Variants in POFUT2 observed in about 807,000 individuals in gnomAD.
POFUT2 encodes protein O-fucosyltransferase 2, also known as GDP-fucose protein O-fucosyltransferase 2.
In POFUT2, 30 loss-of-function variants were observed where a neutral mutation model predicts 55.0. The ratio of observed to expected loss-of-function variants is 0.55; its 90% CI spans 0.41 to 0.74. POFUT2 has a LOEUF of 0.74. Ranked by LOEUF, POFUT2 falls within the 30% of genes least tolerant of loss-of-function variation. POFUT2 has a pLI of 0.00. For synonymous variants in POFUT2, 267 were observed against 231.1 expected (o/e 1.16, Z -1.41); for missense variants, 524 against 562.6 (o/e 0.93, Z 0.69).
At chr21:45,286,037 T>C (rs539830228) in intron 1 of POFUT2, 109 bp from the exon 2 acceptor site, 25 of 952,012 alleles carry the variant, frequency 2.6e-5, no homozygotes, top group Non-Finnish European at 3.6e-5. Context: ...CACTTAACAA[T>C]GGTTCCTAGT....
Position 45,282,967 on chromosome 21 carries a change from A to G in POFUT2, c.527+416T>C, listed in dbSNP as rs2030876164. On this transcript the variant is annotated intron_variant, in intron 3 of 8. Coordinates refer to ENST00000349485, the MANE Select transcript of POFUT2 (RefSeq NM_133635.6). The surrounding 1 kb of genome is among the most constrained non-coding windows in gnomAD (Gnocchi z 4.6). ...TGGCAACATCCAAATGCATGAAAAG[A>G]CACAGGGAAAGAGGCACGGGGTCTC... The G allele has an allele frequency of 4.2e-6, 2 of 470,962 alleles. No homozygotes were observed. Among genetic ancestry groups the G allele is most frequent in the Admixed American group, 4.7e-5 (2 of 42,552 alleles). The allele number at this position is 470,962 out of a possible 1,614,324, so 29.2% of individuals were successfully genotyped here. A position where few individuals can be genotyped will look rare whatever the true frequency, so the allele number is the denominator to read the frequency against.
In POFUT2 at chr21:45,279,021, C is replaced by A. The variant is rs540971335; in HGVS notation, c.639-852G>T. ...TAAAAACGAAACACACAAAATGGAC[C>A]GTGAGCAAATAGACCTGAATATTGG... On this transcript the variant is annotated intron_variant, in intron 4 of 8. Transcript: ENST00000349485. Among the ~76,000 whole-genome samples, 11 of 152,204 alleles carry A rather than the reference C, an allele frequency of 7.2e-5. No homozygotes were observed. In the East Asian group the frequency reaches 2.1e-3, roughly 29 times the overall value.
intron 4 of POFUT2, 60 bp from the exon 5 acceptor site, chr21:45,278,229 C>T (rs1355403504): frequency 6.4e-6 from 9 of 1,408,014 alleles, no homozygotes; most frequent in East Asian, 2.3e-5. Context: ...GACATTCACA[C>T]TCTCAGAGCA....
chr21:45,281,299 T>C lies in POFUT2; in HGVS notation c.638+1050A>G, dbSNP rs994017390. On this transcript the variant is annotated intron_variant, in intron 4 of 8. Coordinates refer to ENST00000349485, the MANE Select transcript of POFUT2 (RefSeq NM_133635.6). The surrounding 1 kb of genome is among the most constrained non-coding windows in gnomAD (Gnocchi z 5.0). ...AAGACTGTTCCACAGGCCCCAAACG[T>C]AGGCAGACTGGCTTCCAAAACCCGA... 7.2e-5 allele frequency among the ~76,000 whole-genome samples: 11 copies of C among 152,140 alleles called. No homozygotes were observed. Among genetic ancestry groups the C allele is most frequent in the African/African-American group, 2.2e-4 (9 of 41,420 alleles).
At position 45,265,365 on chromosome 21, in the gene POFUT2, C is replaced by T. The variant is rs756925203; in HGVS notation, c.*117G>A. The T allele has an allele frequency of 3.8e-5, 35 of 925,582 alleles. No individual in the cohort carries two copies. The highest frequency in any genetic ancestry group is 2.7e-4 in the African/African-American group (16 of 59,992). The allele number at this position is 925,582 out of a possible 1,614,324, so 57.3% of individuals were successfully genotyped here. A position where few individuals can be genotyped will look rare whatever the true frequency, so the allele number is the denominator to read the frequency against. ...GGCCTCTTCTGGGCCTGGGACCCTG[C>T]GAGGGACGGTCCTGTCCGCCCAGCT... is the stretch of plus-strand genomic sequence containing the variant. On this transcript the variant is annotated 3_prime_UTR_variant, in exon 9 of 9. Transcript: ENST00000349485. This position sits in a 1 kb window ranked among gnomAD's most constrained non-coding sequence, Gnocchi z 4.6.
chr21:45,281,842 C>A lies in POFUT2; in HGVS notation c.638+507G>T, dbSNP rs2030679270. ...ACGACATCATCAGGTACTGACTTGT[C>A]TGCAACCCCAGCCTCCTGGGTGGAC... On this transcript the variant is annotated intron_variant, in intron 4 of 8. Coordinates refer to ENST00000349485, the MANE Select transcript of POFUT2 (RefSeq NM_133635.6). This position sits in a 1 kb window ranked among gnomAD's most constrained non-coding sequence, Gnocchi z 5.0. Among the ~76,000 whole-genome samples, 1 of 152,144 alleles carries A rather than the reference C, an allele frequency of 6.6e-6. No individual in the cohort carries two copies. Among genetic ancestry groups the A allele is most frequent in the South Asian group, 2.1e-4 (1 of 4,826 alleles).
intron 6 of POFUT2, among the ~76,000 whole-genome samples, chr21:45,274,304 G>C (rs978733037): frequency 6.6e-6 from 1 of 152,142 alleles, no homozygotes; most frequent in Non-Finnish European, 1.5e-5. Flanking sequence ...ACTGCTGAAA[G>C]AATTCATAGA....
At chr21:45,287,014 A>C (rs1409372569) in intron 1 of POFUT2, among the ~76,000 whole-genome samples, 1 of 152,044 alleles carries the variant, frequency 6.6e-6, no homozygotes, top group Non-Finnish European at 1.5e-5. Flanking sequence ...GAGCCAGCCC[A>C]CGCTCAGCCT....
At position 45,265,799 on chromosome 21, in the gene POFUT2, G is replaced by A; in HGVS notation, c.1137-164C>T. On this transcript the variant is annotated intron_variant, in intron 8 of 8. Transcript: ENST00000349485. This position sits in a 1 kb window ranked among gnomAD's most constrained non-coding sequence, Gnocchi z 4.6. ...CCCACCAGCCGGCCGCCCCCTTGCT[G>A]GCACCCCTCGCTCAGGTGCCCTCGA... 1 of 1,423,358 alleles carries A rather than the reference G, an allele frequency of 7.0e-7. No homozygotes were observed. Among genetic ancestry groups the A allele is most frequent in the Non-Finnish European group, 9.2e-7 (1 of 1,092,202 alleles). 88.2% of individuals were successfully genotyped at this position (1,423,358 alleles called of 1,614,324 possible). A position where few individuals can be genotyped will look rare whatever the true frequency, so the allele number is the denominator to read the frequency against.
At chr21:45,273,096 A>G (rs180901389) in intron 6 of POFUT2, among the ~76,000 whole-genome samples, 48 of 152,326 alleles carry the variant, frequency 3.2e-4, no homozygotes, top group Admixed American at 2.5e-3. Context: ...GTTAAATGAA[A>G]CAATAAGCTG....
In POFUT2 at chr21:45,269,937, T is replaced by A. The variant is rs1334045421; in HGVS notation, c.914A>T (p.Asp305Val). The A allele has an allele frequency of 2.2e-5, 35 of 1,606,156 alleles. No individual in the cohort carries two copies. Among genetic ancestry groups the A allele is most frequent in the Non-Finnish European group, 3.0e-5 (35 of 1,177,408 alleles). Residue 305 changes from aspartate to valine, a missense_variant, in exon 7 of 9, where the codon GAT (aspartate) becomes GTT (valine). By Grantham distance (152) the Asp-to-Val change is radical (BLOSUM62 -3). This residue lies in a region of POFUT2 where 250 missense variants were observed against 318.2 expected (regional missense o/e 0.79). Transcript: ENST00000349485. ...CACGGCCCCTTCCAGACTGGGTACATCCTGTCTGTGACCCCAGATGAAATC... is the reference window on the plus strand; with the variant it reads ...CACGGCCCCTTCCAGACTGGGTACAACCTGTCTGTGACCCCAGATGAAATC... ...RKDFIWGHRQ[D>V]VPSLEGAVRK...
rs1555941078 is a variant in POFUT2 at position 45,264,561 on chromosome 21, G to GC, written c.*920_*921insG. On this transcript the variant is annotated 3_prime_UTR_variant, in exon 9 of 9. Coordinates refer to ENST00000349485, the MANE Select transcript of POFUT2 (RefSeq NM_133635.6). ...TCCTAGACAGCCTTTTGGAGTTAGC[G>GC]TAACTGTCCTTCCTCATTTCTAGTT... The GC allele has an allele frequency of 1.3e-5, 2 of 152,256 alleles. No individual in the cohort carries two copies. Among genetic ancestry groups the GC allele is most frequent in the Non-Finnish European group, 2.9e-5 (2 of 68,098 alleles). 9.4% of individuals were successfully genotyped at this position (152,256 alleles called of 1,614,324 possible).
In POFUT2 at chr21:45,282,565, C is replaced by G. The variant is rs1009818139; in HGVS notation, c.528-106G>C. The G allele has an allele frequency of 1.4e-6, 1 of 713,302 alleles. No homozygotes were observed. Among genetic ancestry groups the G allele is most frequent in the South Asian group, 1.6e-5 (1 of 63,888 alleles). The allele number at this position is 713,302 out of a possible 1,614,324, so 44.2% of individuals were successfully genotyped here. On this transcript the variant is annotated intron_variant, in intron 3 of 8. Coordinates refer to ENST00000349485, the MANE Select transcript of POFUT2 (RefSeq NM_133635.6). This position sits in a 1 kb window ranked among gnomAD's most constrained non-coding sequence, Gnocchi z 4.6. ...ACTGTGGCTTGCTCCTGATGAAACG[C>G]GGCTGCTTTAGGAAAACTTACTGAT...
At chr21:45,283,698 A>G (rs1038565723) in intron 2 of POFUT2, among the ~76,000 whole-genome samples, 171 bp from the exon 3 acceptor site, 1 of 152,140 alleles carries the variant, frequency 6.6e-6, no homozygotes. Context: ...CCATGAGGGC[A>G]CAGGGCCATC....
At chr21:45,280,144 G>A (rs1317896388) in intron 4 of POFUT2, among the ~76,000 whole-genome samples, 1 of 152,172 alleles carries the variant, frequency 6.6e-6, no homozygotes, top group African/African-American at 2.4e-5. Flanking sequence ...CCCCCACCCG[G>A]GTGGAGGAAC....
chr21:45,287,355 A>C (rs1280790933), intron 1 of POFUT2, among the ~76,000 whole-genome samples: 2 of 13,868 alleles, frequency 1.4e-4, no homozygotes, highest in East Asian at 2.7e-3. Flanking sequence ...ATCCCATCCC[A>C]TCACCCTGGC....
At chr21:45,276,446 C>G (rs1383927783) in intron 6 of POFUT2, among the ~76,000 whole-genome samples, 2 of 151,978 alleles carry the variant, frequency 1.3e-5, no homozygotes, top group African/African-American at 4.8e-5. Flanking sequence ...TTAAAAAACG[C>G]TAAAAACAGA....
In POFUT2 at chr21:45,285,521, G is replaced by A. The variant is rs760627665; in HGVS notation, c.382+157C>T. 28 of 820,650 alleles carry A rather than the reference G, an allele frequency of 3.4e-5. No individual in the cohort carries two copies. Among genetic ancestry groups the A allele is most frequent in the Non-Finnish European group, 5.3e-5 (26 of 490,396 alleles). The allele number at this position is 820,650 out of a possible 1,614,324, so 50.8% of individuals were successfully genotyped here. Reference sequence around the variant, plus strand: ...GAAAGGGACTGTGCTCCTGAACGGAGGAGGTGCTGCCACAGGCCTCAGGCA... The same window carrying A: ...GAAAGGGACTGTGCTCCTGAACGGAAGAGGTGCTGCCACAGGCCTCAGGCA... On this transcript the variant is annotated intron_variant, in intron 2 of 8. Transcript: ENST00000349485. This position sits in a 1 kb window ranked among gnomAD's most constrained non-coding sequence, Gnocchi z 4.9.
Position 45,282,399 on chromosome 21 carries a change from C to G in POFUT2, c.588G>C (p.Gln196His). 1 of 1,613,746 alleles carries G rather than the reference C, an allele frequency of 6.2e-7. No homozygotes were observed. Among genetic ancestry groups the G allele is most frequent in the South Asian group, 1.1e-5 (1 of 91,090 alleles). The change falls in exon 4 of 9, where the codon CAG becomes CAC. Residue 196 changes from glutamine to histidine, a missense_variant. This residue lies in a region of POFUT2 where 250 missense variants were observed against 318.2 expected (regional missense o/e 0.79). Transcript: ENST00000349485. This position sits in a 1 kb window ranked among gnomAD's most constrained non-coding sequence, Gnocchi z 4.6. ...GGGGCGCCACGATGGAGGCTGAGCC[C>G]TGGACGGACAGACAGGAGACGTTTA... ...RGLNVSCLSV[Q>H]GSASIVAPLL...
Sources: gnomAD v4.1 joint callset for allele counts (sites outside exome capture counted in the v4.1 genomes callset) on GRCh38, gnomAD v4.1.1 for gene constraint, gnomAD v4.1.1 regional missense constraint, Gnocchi (gnomAD v3.1) non-coding constraint, MANE v1.5 for transcripts, NCBI Gene and HGNC (gene_info 2026-07-23, HGNC 2026-07-21) for gene names.